The following CA9 variants were observed in gnomAD, a reference collection of about 807,000 sequenced individuals.
CA9 encodes carbonic anhydrase 9.
Under a neutral mutation model 51.8 loss-of-function variants are expected in CA9, and 43 were observed. The observed-to-expected ratio is 0.83, with a 90% confidence interval of 0.65 to 1.07. The LOEUF is 1.07. Ranked by LOEUF, CA9 falls within the 50% of genes least tolerant of loss-of-function variation. CA9 has a pLI of 0.00. For missense variants in CA9, 574 were observed against 581.4 expected (o/e 0.99, Z 0.13); for synonymous variants, 253 against 244.2 (o/e 1.04, Z -0.34).
chr9:35,680,100 T>C lies in CA9; in HGVS notation c.1211-13T>C, dbSNP rs768231579. On this transcript the variant is annotated splice_polypyrimidine_tract_variant and intron_variant, in intron 8 of 10. Transcript: ENST00000378357. ...GTCACAGCCCGCCTCTCACATCTCC[T>C]TTTTCTCTCCAGTCCAGCTGAATTC... 9 of 1,614,140 alleles carry C rather than the reference T, an allele frequency of 5.6e-6. No individual in the cohort carries two copies. Among genetic ancestry groups the C allele is most frequent in the East Asian group, 4.5e-5 (2 of 44,880 alleles).
In CA9 at chr9:35,675,898, C is replaced by T. The variant is rs757229045; in HGVS notation, c.571C>T (p.Pro191Ser). 6.2e-7 allele frequency: 1 copy of T among 1,609,148 alleles called. No homozygotes were observed. Among genetic ancestry groups the T allele is most frequent in the Non-Finnish European group, 8.5e-7 (1 of 1,179,162 alleles). Residue 191 changes from proline (P) to serine (S), a missense_variant, in exon 3 of 11, where the codon CCA becomes TCA. By Grantham distance (74) the Pro-to-Ser change is moderately conservative. Transcript: ENST00000378357. Reference sequence around the variant, plus strand: ...CCTGGGCTTCCAGCTCCCGCCGCTCCCAGAACTGCGCCTGCGCAACAATGG... The same window carrying T: ...CCTGGGCTTCCAGCTCCCGCCGCTCTCAGAACTGCGCCTGCGCAACAATGG... ...ELLGFQLPPL[P>S]ELRLRNNGHS...
intron 7 of CA9, among the ~76,000 whole-genome samples, 195 bp downstream of exon 7, chr9:35,679,537 C>T (rs189832497): frequency 1.5e-4 from 22 of 144,626 alleles, no homozygotes; most frequent in African/African-American, 5.2e-4. Context: ...ATAGTGTGAC[C>T]CCATCTCTAC....
intron 10 of CA9, 40 bp downstream of exon 10, chr9:35,680,874 A>T (rs1315675820): frequency 6.2e-6 from 10 of 1,610,554 alleles, no homozygotes; most frequent in Non-Finnish European, 8.5e-6. Context: ...AGCTTCCCCC[A>T]CCCTTGTGGA....
chr9:35,675,873 C>T lies in CA9; in HGVS notation c.546C>T (p.Leu182=). The part of the protein sequence containing the change: ...AFCPALRPLE[L]LGFQLPPLPE... The stretch of plus-strand genomic sequence containing the variant: ...GCCCGGCCCTGCGCCCCCTGGAACT[C>T]CTGGGCTTCCAGCTCCCGCCGCTCC... Residue 182 remains leucine (L), a synonymous_variant, in exon 3 of 11, where the codon CTC becomes CTT. Transcript: ENST00000378357. The T allele has an allele frequency of 6.2e-7, 1 of 1,606,766 alleles. No homozygotes were observed. Among genetic ancestry groups the T allele is most frequent in the East Asian group, 2.2e-5 (1 of 44,856 alleles).
chr9:35,679,314 A>G lies in CA9; in HGVS notation c.1037A>G (p.Asn346Ser). The stretch of plus-strand genomic sequence containing the variant: ...CAGGGTGTCATCTGGACTGTGTTTA[A>G]CCAGACAGTGATGCTGAGTGCTAAG... ...CAQGVIWTVF[N>S]QTVMLSAKQL... Residue 346 changes from asparagine to serine, a missense_variant, in exon 7 of 11, where the codon AAC (asparagine) becomes AGC (serine). Asn to Ser is a conservative substitution (Grantham distance 46, BLOSUM62 1). Coordinates refer to ENST00000378357, the MANE Select transcript of CA9 (RefSeq NM_001216.3). The G allele has an allele frequency of 7.4e-6, 12 of 1,613,980 alleles. No individual in the cohort carries two copies. The highest frequency in any genetic ancestry group is 1.0e-5 in the Non-Finnish European group (12 of 1,179,972).
At chr9:35,678,112 C>T (rs1043883048) in intron 6 of CA9, among the ~76,000 whole-genome samples, 1 of 151,936 alleles carries the variant, frequency 6.6e-6, no homozygotes, top group African/African-American at 2.4e-5. Context: ...TTTGGGAGGC[C>T]AAGGCAGGTG....
At chr9:35,675,510 G>A in intron 1 of CA9, 28 bp from the exon 2 acceptor site, 1 of 1,613,972 alleles carries the variant, frequency 6.2e-7, no homozygotes. Context: ...CTCTAAGCTT[G>A]AGCGGTTCAT....
In CA9 at chr9:35,676,169, C is replaced by T. The variant is rs768211018; in HGVS notation, c.710C>T (p.Ser237Leu). 2 of 1,612,284 alleles carry T rather than the reference C, an allele frequency of 1.2e-6. No individual in the cohort carries two copies. Among genetic ancestry groups the T allele is most frequent in the Non-Finnish European group, 1.7e-6 (2 of 1,179,198 alleles). ...LHWGAAGRPG[S>L]EHTVEGHRFP... ...TGGGGGGCTGCAGGTCGTCCGGGCT[C>T]GGAGCACACTGTGGAAGGCCACCGT... Residue 237 changes from serine to leucine, a missense_variant, in exon 4 of 11, where the codon TCG becomes TTG. By Grantham distance (145) the Ser-to-Leu change is moderately radical. Transcript: ENST00000378357.
At chr9:35,680,895 G>C (rs1824536619) in intron 10 of CA9, 61 bp downstream of exon 10, 5 of 1,610,728 alleles carry the variant, frequency 3.1e-6, no homozygotes, top group Middle Eastern at 1.7e-4. Context: ...GTCACTTCAT[G>C]CAAAGCGCAT....
intron 6 of CA9, among the ~76,000 whole-genome samples, chr9:35,678,715 T>A (rs1824474903): frequency 6.7e-6 from 1 of 149,452 alleles, no homozygotes; most frequent in East Asian, 2.0e-4. Context: ...TTTTTTTTTT[T>A]ACATCTTTAG....
At position 35,674,214 on chromosome 9, in the gene CA9, A is replaced by G; in HGVS notation, c.255A>G (p.Gly85=). ...CACCCGGAGAGGAGGATCTACCTGG[A>G]GAGGAGGATCTACCTGGAGAGGAGG... ...EDPPGEEDLP[G]EEDLPGEEDL... The change falls in exon 1 of 11, where the codon GGA becomes GGG. Residue 85 remains glycine, a synonymous_variant. Coordinates refer to ENST00000378357, the MANE Select transcript of CA9 (RefSeq NM_001216.3). The G allele has an allele frequency of 6.2e-7, 1 of 1,612,616 alleles. No individual in the cohort carries two copies. Among genetic ancestry groups the G allele is most frequent in the Non-Finnish European group, 8.5e-7 (1 of 1,179,828 alleles).
rs1290343783 is a variant in CA9 at position 35,676,048 on chromosome 9, G to A, written c.605-16G>A. On this transcript the variant is annotated splice_polypyrimidine_tract_variant and intron_variant, in intron 3 of 10. Transcript: ENST00000378357. Reference sequence around the variant, plus strand: ...CCTACCGGGCGGGGCCGGCTCACTTGCCTCTCCCTACGCAGTGCAACTGAC... The same window carrying A: ...CCTACCGGGCGGGGCCGGCTCACTTACCTCTCCCTACGCAGTGCAACTGAC... 10 of 1,612,208 alleles carry A rather than the reference G, an allele frequency of 6.2e-6. No homozygotes were observed. Among genetic ancestry groups the A allele is most frequent in the Non-Finnish European group, 7.6e-6 (9 of 1,179,470 alleles).
chr9:35,680,320 G>A (rs2131840929), intron 9 of CA9, among the ~76,000 whole-genome samples, 181 bp downstream of exon 9: 1 of 152,286 alleles, frequency 6.6e-6, no homozygotes, highest in Non-Finnish European at 1.5e-5. Flanking sequence ...TAATTGATTA[G>A]AATGAAGCTT....
chr9:35,678,580 C>G (rs1824469213), intron 6 of CA9, among the ~76,000 whole-genome samples: 1 of 151,780 alleles, frequency 6.6e-6, no homozygotes, highest in South Asian at 2.1e-4. Flanking sequence ...TCTACTAGAC[C>G]TTTTAGGTTT....
rs1824423809 is a variant in CA9 at position 35,676,383 on chromosome 9, T to C, written c.834T>C (p.Phe278=). ...GAGGCCTGGCCGTGTTGGCCGCCTT[T>C]CTGGAGGTACCAGATCCTGGACACC... ...RPGGLAVLAA[F]LEEGPEENSA... The change falls in exon 5 of 11, where the codon TTT becomes TTC. Residue 278 remains phenylalanine (F), a synonymous_variant. Coordinates refer to ENST00000378357, the MANE Select transcript of CA9 (RefSeq NM_001216.3). 6.2e-7 allele frequency: 1 copy of C among 1,612,852 alleles called. No individual in the cohort carries two copies. Among genetic ancestry groups the C allele is most frequent in the Non-Finnish European group, 8.5e-7 (1 of 1,179,360 alleles).
chr9:35,679,053 C>A, intron 6 of CA9, 132 bp from the exon 7 acceptor site: 1 of 913,944 alleles, frequency 1.1e-6, no homozygotes, highest in Non-Finnish European at 1.7e-6. Flanking sequence ...ATGGGAAGGG[C>A]CTGCACTTAG....
chr9:35,675,691 C>T (rs1824402284), intron 2 of CA9, 70 bp from the exon 3 acceptor site: 1 of 1,539,158 alleles, frequency 6.5e-7, no homozygotes. Flanking sequence ...ACCCCCTCAC[C>T]TTTTCTACCC....
chr9:35,679,808 C>T (rs1824496359), intron 7 of CA9, 46 bp from the exon 8 acceptor site: 4 of 1,531,284 alleles, frequency 2.6e-6, no homozygotes, highest in Non-Finnish European at 3.5e-6. Context: ...ACCCTTGTTT[C>T]CTGTCATGCC....
At position 35,676,317 on chromosome 9, in the gene CA9, C is replaced by T; in HGVS notation, c.768C>T (p.Ser256=). The change falls in exon 5 of 11, where the codon AGC becomes AGT. Residue 256 remains serine (S), a synonymous_variant. Transcript: ENST00000378357. ...FPAEIHVVHL[S]TAFARVDEAL... is the part of the protein sequence containing the mutation. ...TTCAGATCCACGTGGTTCACCTCAG[C>T]ACCGCCTTTGCCAGAGTTGACGAGG... 1 of 1,614,118 alleles carries T rather than the reference C, an allele frequency of 6.2e-7. No homozygotes were observed. The highest frequency in any genetic ancestry group is 8.5e-7 in the Non-Finnish European group (1 of 1,180,024).
Sources: gnomAD v4.1 joint callset for allele counts (sites outside exome capture counted in the v4.1 genomes callset) on GRCh38, gnomAD v4.1.1 for gene constraint, MANE v1.5 for transcripts, NCBI Gene and HGNC (gene_info 2026-07-23, HGNC 2026-07-21) for gene names.